Variants in SORCS3 observed in about 807,000 individuals in gnomAD.
The protein encoded by SORCS3 is sortilin related VPS10 domain containing receptor 3.
A neutral mutation model predicts 146.3 loss-of-function variants in SORCS3; 57 were observed. The ratio of observed to expected loss-of-function variants is 0.39; its 90% CI spans 0.31 to 0.49. The LOEUF (loss-of-function observed/expected upper bound fraction) is 0.49, where lower values mean the gene tolerates loss of function less well. Among genes scored for constraint, SORCS3 ranks in the 20% least tolerant of loss-of-function variants. SORCS3 has a pLI of 0.92. For synonymous variants in SORCS3, 653 were observed against 618.5 expected (o/e 1.06, Z -0.83); for missense variants, 1,341 against 1,575.5 (o/e 0.85, Z 2.52).
chr10:104,667,032 T>C (rs937395156), intron 1 of SORCS3, among the ~76,000 whole-genome samples: 1 of 152,082 alleles, frequency 6.6e-6, no homozygotes, highest in African/African-American at 2.4e-5. Flanking sequence ...AGAGAGAATA[T>C]GTTGGAGACA....
chr10:105,072,232 T>C (rs2133726873), intron 5 of SORCS3, among the ~76,000 whole-genome samples: 1 of 152,238 alleles, frequency 6.6e-6, no homozygotes, highest in South Asian at 2.1e-4. Context: ...GCTAAGGAGT[T>C]AGCTGACTCT....
chr10:104,673,640 C>T (rs2015882266), intron 1 of SORCS3, among the ~76,000 whole-genome samples: 2 of 151,862 alleles, frequency 1.3e-5, no homozygotes, highest in Admixed American at 1.3e-4. Context: ...TTGGTAGAGA[C>T]AGGGTCTTGC....
intron 14 of SORCS3, among the ~76,000 whole-genome samples, chr10:105,184,199 T>G (rs955065726): frequency 1.3e-5 from 2 of 151,750 alleles, no homozygotes; most frequent in Admixed American, 6.6e-5. Context: ...ATAGGGCTTT[T>G]GTTGCAACTA....
At position 104,726,121 on chromosome 10, in the gene SORCS3, C is replaced by G. The variant is rs2016629050; in HGVS notation, c.627+84167C>G. Among the ~76,000 whole-genome samples the G allele has an allele frequency of 2.0e-5, 3 of 152,184 alleles. No homozygotes were observed. In the South Asian group the frequency reaches 6.2e-4, roughly 31 times the overall value. On this transcript the variant is annotated intron_variant, in intron 1 of 26. Transcript: ENST00000369701. ...TCCTTTTCGGCCATCTTTGATCCACCCCAGTCTGCTCATAGGTCTTTAAAG... is the reference window on the plus strand; with the variant it reads ...TCCTTTTCGGCCATCTTTGATCCACGCCAGTCTGCTCATAGGTCTTTAAAG...
intron 3 of SORCS3, among the ~76,000 whole-genome samples, chr10:104,928,938 A>G (rs1564715508): frequency 6.6e-6 from 1 of 152,214 alleles, no homozygotes; most frequent in Non-Finnish European, 1.5e-5. Flanking sequence ...TATGATGACC[A>G]AACAGAGGAA....
At chr10:105,172,851 A>G (rs1216344015) in intron 13 of SORCS3, among the ~76,000 whole-genome samples, 2 of 152,200 alleles carry the variant, frequency 1.3e-5, no homozygotes. Flanking sequence ...CTCTCATGAT[A>G]GTGGCATTGC....
intron 1 of SORCS3, among the ~76,000 whole-genome samples, chr10:104,656,198 T>C (rs1265644091): frequency 1.3e-5 from 2 of 151,816 alleles, no homozygotes; most frequent in African/African-American, 4.8e-5. Context: ...GAGGGCATAG[T>C]GTTCTGGGCA....
At chr10:104,885,463 G>T (rs74350092) in intron 2 of SORCS3, among the ~76,000 whole-genome samples, 2 of 151,944 alleles carry the variant, frequency 1.3e-5, no homozygotes, top group African/African-American at 4.8e-5. Context: ...GTGGCAATAC[G>T]GTATTAAGTA....
At chr10:104,761,395 T>A (rs1482298758) in intron 1 of SORCS3, among the ~76,000 whole-genome samples, 3 of 151,992 alleles carry the variant, frequency 2.0e-5, no homozygotes, top group Non-Finnish European at 4.4e-5. Flanking sequence ...ACATACCATA[T>A]CTGGAGAGAG....
intron 4 of SORCS3, among the ~76,000 whole-genome samples, chr10:105,042,670 G>T (rs368828891): frequency 3.0e-4 from 46 of 152,236 alleles, no homozygotes; most frequent in African/African-American, 1.1e-3. Context: ...AGAGCAGTAA[G>T]AAATGAAAGT....
Position 104,874,818 on chromosome 10 carries a change from T to C in SORCS3, c.695+31959T>C, listed in dbSNP as rs568476006. 2.0e-4 allele frequency among the ~76,000 whole-genome samples: 31 copies of C among 152,250 alleles called. No individual in the cohort carries two copies. The East Asian group carries it at 4.4e-3, about 22-fold the overall frequency. The stretch of plus-strand genomic sequence containing the variant: ...TCCTGGGAAATCCTTCTTGATGACT[T>C]CTCTATCAATATTAGAAAACACCTT... On this transcript the variant is annotated intron_variant, in intron 2 of 26. Transcript: ENST00000369701.
At chr10:104,992,365 G>A (rs551755619) in intron 4 of SORCS3, among the ~76,000 whole-genome samples, 4 of 152,252 alleles carry the variant, frequency 2.6e-5, no homozygotes, top group South Asian at 4.1e-4. Flanking sequence ...ATGGAAACTC[G>A]TATTTTAGAA....
Position 104,649,703 on chromosome 10 carries a change from T to C in SORCS3, c.627+7749T>C, listed in dbSNP as rs57843730. On this transcript the variant is annotated intron_variant, in intron 1 of 26. Coordinates refer to ENST00000369701, the MANE Select transcript of SORCS3 (RefSeq NM_014978.3). ...TGAAAAGGATCTAGAAGTGAATGACTGGGGACCTGTATTCTTGAAATTCAT... is the reference window on the plus strand; with the variant it reads ...TGAAAAGGATCTAGAAGTGAATGACCGGGGACCTGTATTCTTGAAATTCAT... Among the ~76,000 whole-genome samples, 632 of 152,354 alleles carry C rather than the reference T, an allele frequency of 4.1e-3. 4 individuals are homozygous for C. The highest frequency in any genetic ancestry group is 0.014 in the African/African-American group (579 of 41,578).
intron 1 of SORCS3, among the ~76,000 whole-genome samples, chr10:104,789,279 G>C (rs550023188): frequency 6.6e-6 from 1 of 152,282 alleles, no homozygotes; most frequent in Non-Finnish European, 1.5e-5. Context: ...CCAGCCTTGG[G>C]CATCTGATAG....
At chr10:104,911,097 A>T (rs2018961895) in intron 2 of SORCS3, among the ~76,000 whole-genome samples, 1 of 152,230 alleles carries the variant, frequency 6.6e-6, no homozygotes, top group Admixed American at 6.5e-5. Context: ...GCTTTCTTGT[A>T]AGAGCAAGTT....
At chr10:104,876,887 G>A (rs921330985) in intron 2 of SORCS3, among the ~76,000 whole-genome samples, 7 of 147,784 alleles carry the variant, frequency 4.7e-5, no homozygotes. Flanking sequence ...AAAGGATGTT[G>A]CTTTGTCACT....
chr10:104,693,855 G>A (rs1321983263), intron 1 of SORCS3, among the ~76,000 whole-genome samples: 1 of 152,070 alleles, frequency 6.6e-6, no homozygotes, highest in Non-Finnish European at 1.5e-5. Context: ...GTGCCAAAAT[G>A]TGCATTCCTC....
chr10:105,023,173 C>T (rs1477316090), intron 4 of SORCS3, among the ~76,000 whole-genome samples: 2 of 152,150 alleles, frequency 1.3e-5, no homozygotes, highest in Non-Finnish European at 2.9e-5. Flanking sequence ...GGAGTTCTCG[C>T]CATTCTCAAA....
chr10:104,980,356 A>G (rs2054925206), intron 4 of SORCS3, among the ~76,000 whole-genome samples: 1 of 152,242 alleles, frequency 6.6e-6, no homozygotes. Flanking sequence ...CCCTGGCAAC[A>G]CTTGCAGAGA....
Sources: allele counts gnomAD v4.1 joint callset (sites outside exome capture counted in the v4.1 genomes callset), GRCh38; gene constraint gnomAD v4.1.1; transcripts MANE v1.5; gene names NCBI Gene and HGNC (gene_info 2026-07-23, HGNC 2026-07-21).